NHSL1: variants seen among roughly 807,000 people sequenced by gnomAD.
The protein encoded by NHSL1 is NHS like 1, also known as NHS-like protein 1.
A neutral mutation model predicts 95.0 loss-of-function variants in NHSL1; 48 were observed. The ratio of observed to expected loss-of-function variants is 0.51; its 90% confidence interval spans 0.40 to 0.64. The LOEUF (loss-of-function observed/expected upper bound fraction) is 0.64. Ranked by LOEUF, NHSL1 falls within the 30% of genes least tolerant of loss-of-function variation. The pLI is 0.00. For missense variants in NHSL1, 1,971 were observed against 2,077.7 expected (o/e 0.95, Z 1.00); for synonymous variants, 783 against 833.9 (o/e 0.94, Z 1.05).
chr6:138,655,940 G>A (rs73566694), intron 1 of NHSL1, among the ~76,000 whole-genome samples: 6,633 of 152,192 alleles, frequency 0.044, 391 homozygotes, highest in African/African-American at 0.13. Flanking sequence ...ACACAGTTCC[G>A]ATGTGATGAA....
chr6:138,453,294 T>C (rs1390110991), intron 3 of NHSL1, among the ~76,000 whole-genome samples: 1 of 151,914 alleles, frequency 6.6e-6, no homozygotes, highest in African/African-American at 2.4e-5. Flanking sequence ...TTCTTTCATA[T>C]GTATTATATT....
chr6:138,611,775 AT>A (rs1363867499), intron 1 of NHSL1, among the ~76,000 whole-genome samples: 2 of 151,532 alleles, frequency 1.3e-5, no homozygotes, highest in South Asian at 2.1e-4. Context: ...AAATAAAAAA[AT>A]AAAGGCTGCC....
chr6:138,639,236 G>C (rs1477540467), intron 1 of NHSL1, among the ~76,000 whole-genome samples: 2 of 152,116 alleles, frequency 1.3e-5, no homozygotes, highest in Non-Finnish European at 2.9e-5. Flanking sequence ...ATATCTTAAA[G>C]ATAAAACACA....
chr6:138,599,263 G>T (rs2114553683), intron 1 of NHSL1, among the ~76,000 whole-genome samples: 1 of 152,312 alleles, frequency 6.6e-6, no homozygotes, highest in Non-Finnish European at 1.5e-5. Flanking sequence ...TGTAATCCCA[G>T]CACTTTGGGA....
At chr6:138,573,564 C>T (rs1383344883), upstream of NHSL1, among the ~76,000 whole-genome samples, 1 of 152,210 alleles carries the variant, frequency 6.6e-6, no homozygotes, top group East Asian at 1.9e-4. Flanking sequence ...GGGACAGGAA[C>T]ACTTGTAGAA....
At chr6:138,493,462 G>T (rs912840205) in intron 2 of NHSL1, among the ~76,000 whole-genome samples, 5 of 152,344 alleles carry the variant, frequency 3.3e-5, no homozygotes, top group African/African-American at 1.2e-4. Flanking sequence ...TTCAAGGGGA[G>T]AAAAGTCAAG....
intron 5 of NHSL1, 144 bp from the exon 6 acceptor site, chr6:138,433,824 T>A (rs2128204138): frequency 8.0e-7 from 1 of 1,242,690 alleles, no homozygotes; most frequent in Middle Eastern, 2.8e-4. Context: ...TAAGTACATT[T>A]AAAAAGTTAC....
intron 3 of NHSL1, among the ~76,000 whole-genome samples, chr6:138,449,052 CAAAAAAA>C (rs545496586): frequency 3.6e-4 from 32 of 88,440 alleles, no homozygotes; most frequent in Admixed American, 9.7e-4. Context: ...AATTCTGTCT[CAAAAAAA>C]AAAAAAAAAA....
intron 3 of NHSL1, among the ~76,000 whole-genome samples, chr6:138,451,812 T>C (rs1417297438): frequency 6.6e-6 from 1 of 152,220 alleles, no homozygotes; most frequent in Non-Finnish European, 1.5e-5. Context: ...AATAAATTAC[T>C]AGGTCTTCTG....
rs764613071 is a variant in NHSL1, at chr6:138,571,904, T to C, written c.8A>G (p.Lys3Arg). ...TCTGAAGGAACCTGAAGAGCCTTCC[T>C]TTTTCATCTTCTTTTCAAAATCAAC... is the stretch of plus-strand genomic sequence containing the variant. Residue 3 changes from lysine (K) to arginine (R), a missense_variant, in exon 1 of 7, where the codon AAG (lysine) becomes AGG (arginine). Physicochemically the swap from Lys to Arg is conservative, Grantham distance 26 (BLOSUM62 2). Coordinates refer to the NHSL1 transcript ENST00000427025. 1.9e-5 allele frequency: 30 copies of C among 1,550,908 alleles called. No individual in the cohort carries two copies. In the Admixed American group the frequency reaches 2.6e-4, roughly 13 times the overall value.
At chr6:138,610,595 A>G (rs1784498941) in intron 1 of NHSL1, among the ~76,000 whole-genome samples, 1 of 150,364 alleles carries the variant, frequency 6.7e-6, no homozygotes, top group Admixed American at 6.6e-5. Context: ...AAAGCAAACA[A>G]CAGGTGATCA....
At chr6:138,463,391 A>G (rs1475256472) in intron 3 of NHSL1, among the ~76,000 whole-genome samples, 2 of 151,868 alleles carry the variant, frequency 1.3e-5, no homozygotes, top group Admixed American at 1.3e-4. Context: ...ATTTCCTCCA[A>G]AGTCATTATC....
At chr6:138,656,994 C>T (rs1785165635) in intron 1 of NHSL1, among the ~76,000 whole-genome samples, 1 of 152,186 alleles carries the variant, frequency 6.6e-6, no homozygotes, top group African/African-American at 2.4e-5. Flanking sequence ...ATCAGAGCTT[C>T]CATTTCCCCA....
At chr6:138,559,962 TC>T (rs1783352130) in intron 1 of NHSL1, among the ~76,000 whole-genome samples, 1 of 152,170 alleles carries the variant, frequency 6.6e-6, no homozygotes, top group Admixed American at 6.5e-5. Context: ...CTTTTTAAAC[TC>T]TCTGACTTAA....
At chr6:138,659,935 C>T (rs1468235788) in intron 1 of NHSL1, among the ~76,000 whole-genome samples, 4 of 152,164 alleles carry the variant, frequency 2.6e-5, no homozygotes, top group Admixed American at 2.6e-4. Flanking sequence ...AGGCTGGTCT[C>T]AAACTCCTGA....
chr6:138,692,343 C>A lies in NHSL1; in HGVS notation c.96+133G>T, dbSNP rs1261734888. On this transcript the variant is annotated intron_variant, in intron 1 of 3. Transcript: ENST00000491526. This position sits in a 1 kb window ranked among gnomAD's most constrained non-coding sequence, Gnocchi z 4.0. ...CAGCCTCCCGCTGGGGTCCGGCAGTCCCCACTGGAGACCCCGACATCGCGG... is the reference window on the plus strand; with the variant it reads ...CAGCCTCCCGCTGGGGTCCGGCAGTACCCACTGGAGACCCCGACATCGCGG... 2.8e-6 allele frequency: 1 copy of A among 361,320 alleles called. No homozygotes were observed. Among genetic ancestry groups the A allele is most frequent in the Non-Finnish European group, 5.5e-6 (1 of 183,380 alleles). 22.4% of individuals were successfully genotyped at this position (361,320 alleles called of 1,614,324 possible).
intron 1 of NHSL1, among the ~76,000 whole-genome samples, chr6:138,566,662 G>A (rs945089585): frequency 6.7e-6 from 1 of 150,274 alleles, no homozygotes; most frequent in African/African-American, 2.5e-5. Flanking sequence ...AACTAAAAAA[G>A]GAAGGATACT....
At position 138,610,423 on chromosome 6, in the gene NHSL1, G is replaced by T. The variant is rs142911394; in HGVS notation, c.96+82053C>A. On this transcript the variant is annotated intron_variant, in intron 1 of 3. Coordinates refer to the NHSL1 transcript ENST00000491526. ...GGGGAGCGGGGAGGGATAGCATTAGGAGATATACCTAATGTAAATGACGAG... is the reference window on the plus strand; with the variant it reads ...GGGGAGCGGGGAGGGATAGCATTAGTAGATATACCTAATGTAAATGACGAG... 2.8e-3 allele frequency among the ~76,000 whole-genome samples: 432 copies of T among 151,916 alleles called. 4 individuals are homozygous for T. Among genetic ancestry groups the T allele is most frequent in the African/African-American group, 9.8e-3 (406 of 41,426 alleles).
Position 138,637,765 on chromosome 6 carries a change from G to A in NHSL1, c.96+54711C>T, listed in dbSNP as rs1218837225. On this transcript the variant is annotated intron_variant, in intron 1 of 3. Transcript: ENST00000491526. The stretch of plus-strand genomic sequence containing the variant: ...AGGATGGGGAGAAAAGGGAACCCTC[G>A]TACAGTTAGTAGGAATGTAAATTAG... Among the ~76,000 whole-genome samples the A allele has an allele frequency of 4.6e-5, 7 of 152,078 alleles. No homozygotes were observed. The East Asian group carries it at 5.8e-4, about 13-fold the overall frequency.
Sources: gnomAD v4.1 joint callset for allele counts (sites outside exome capture counted in the v4.1 genomes callset) on GRCh38, gnomAD v4.1.1 for gene constraint, Gnocchi (gnomAD v3.1) non-coding constraint, MANE v1.5 for transcripts, NCBI Gene and HGNC (gene_info 2026-07-23, HGNC 2026-07-21) for gene names.